The following TBX10 variants were observed in gnomAD, a reference collection of about 807,000 sequenced individuals.
The protein encoded by TBX10 is T-box transcription factor 10.
TBX10 carries 26 observed loss-of-function variants against 32.4 expected under a neutral mutation model. That is an observed-to-expected ratio of 0.80 (90% CI 0.59 to 1.11). TBX10 has a LOEUF of 1.11. TBX10 is among the 50% of genes most tolerant of loss of function. The pLI is 0.00. For missense variants in TBX10, 490 were observed against 494.5 expected (o/e 0.99, Z 0.09); for synonymous variants, 195 against 203.1 (o/e 0.96, Z 0.34).
Position 67,639,608 on chromosome 11 carries a change from T to A in TBX10, c.-136A>T. 1.7e-6 allele frequency: 2 copies of A among 1,197,878 alleles called. No individual in the cohort carries two copies. The highest frequency in any genetic ancestry group is 1.9e-4 in the Middle Eastern group (1 of 5,222). The allele number at this position is 1,197,878 out of a possible 1,614,324, so 74.2% of individuals were successfully genotyped here. A position where few individuals can be genotyped will look rare whatever the true frequency, so the allele number is the denominator to read the frequency against. ...CCTCAGGTGCTCACACAAGCTGTAG[T>A]CTCTCGGCAGGACGGTCCTTGCCTC... On this transcript the variant is annotated 5_prime_UTR_variant, in exon 1 of 8. Transcript: ENST00000335385.
rs536426039 is a variant in TBX10 at position 67,635,202 on chromosome 11, G to A, written c.69C>T (p.Thr23=). ...APSETYPLPT[T]SSGWEPRLGS... ...CCAGCCGGGGCTCCCAGCCAGAGCT[G>A]GTTGTAGGTAGGGGGTAGGTCTCTG... is the stretch of plus-strand genomic sequence containing the variant. Residue 23 remains threonine (T), a synonymous_variant, in exon 2 of 8, where the codon ACC becomes ACT. Transcript: ENST00000335385. 3.1e-6 allele frequency: 5 copies of A among 1,613,892 alleles called. No homozygotes were observed. The Admixed American group carries it at 6.7e-5, about 22-fold the overall frequency.
chr11:67,633,914 G>A (rs990697811), intron 4 of TBX10, among the ~76,000 whole-genome samples: 5 of 152,168 alleles, frequency 3.3e-5, no homozygotes, highest in Admixed American at 1.3e-4. Flanking sequence ...AAGCGGGCCC[G>A]GCCTAGGCTG....
rs766797610 is a variant in TBX10, at chr11:67,635,031, C to T, written c.240G>A (p.Gln80=). 6.2e-7 allele frequency: 1 copy of T among 1,613,776 alleles called. No individual in the cohort carries two copies. The highest frequency in any genetic ancestry group is 1.1e-5 in the South Asian group (1 of 91,090). The part of the protein sequence containing the change: ...EMKPLWEEFN[Q]LGTEMIVTKA... The stretch of plus-strand genomic sequence containing the variant: ...TGGTGACGATCATCTCAGTGCCCAG[C>T]TGGTTGAATTCCTCCCACAGAGGCT... Residue 80 remains glutamine (Q), a synonymous_variant, in exon 2 of 8, where the codon CAG becomes CAA. Transcript: ENST00000335385.
In TBX10 at chr11:67,632,602, C is replaced by T; in HGVS notation, c.773+1G>A. The T allele has an allele frequency of 3.1e-6, 5 of 1,614,008 alleles. No homozygotes were observed. Among genetic ancestry groups the T allele is most frequent in the Non-Finnish European group, 2.5e-6 (3 of 1,179,992 alleles). ...GGGCTAGGGTCAGGGTCAGACAGTACCAGGAGTCCAGGTCACTCTCTCTAA... is the reference window on the plus strand; with the variant it reads ...GGGCTAGGGTCAGGGTCAGACAGTATCAGGAGTCCAGGTCACTCTCTCTAA... On this transcript the variant is annotated splice_donor_variant, in intron 6 of 7. Transcript: ENST00000335385. LOFTEE classifies it high-confidence loss of function.
chr11:67,634,172 C>T lies in TBX10; in HGVS notation c.549+17G>A, dbSNP rs375008730. The T allele has an allele frequency of 9.1e-5, 147 of 1,611,436 alleles. 1 individual carries two copies. The highest frequency in any genetic ancestry group is 8.2e-4 in the East Asian group (37 of 44,890). Reference sequence around the variant, plus strand: ...TGACCCCAGGCCCTTCCGTCCCCACCGTGGCCCCGGCCTCACGTGGCCATT... The same window carrying T: ...TGACCCCAGGCCCTTCCGTCCCCACTGTGGCCCCGGCCTCACGTGGCCATT... On this transcript the variant is annotated intron_variant, in intron 4 of 7. Transcript: ENST00000335385.
Position 67,635,049 on chromosome 11 carries a change from C to T in TBX10, c.222G>A (p.Leu74=), listed in dbSNP as rs1855303508. 6.2e-7 allele frequency: 1 copy of T among 1,613,874 alleles called. No homozygotes were observed. Among genetic ancestry groups the T allele is most frequent in the Non-Finnish European group, 8.5e-7 (1 of 1,180,040 alleles). Residue 74 remains leucine, a synonymous_variant, in exon 2 of 8, where the codon CTG becomes CTA. Coordinates refer to ENST00000335385, the MANE Select transcript of TBX10 (RefSeq NM_005995.5). ...TGCCCAGCTGGTTGAATTCCTCCCACAGAGGCTTCATCTCCAGCTGAACTG... is the reference window on the plus strand; with the variant it reads ...TGCCCAGCTGGTTGAATTCCTCCCATAGAGGCTTCATCTCCAGCTGAACTG... The part of the protein sequence containing the change: ...RVTVQLEMKP[L]WEEFNQLGTE...
chr11:67,634,039 C>A, intron 4 of TBX10, 150 bp downstream of exon 4: 1 of 1,082,728 alleles, frequency 9.2e-7, no homozygotes, highest in Non-Finnish European at 1.4e-6. Flanking sequence ...TGTGCCACCC[C>A]CAGCCAGGTG....
rs3758938 is a variant in TBX10 at position 67,634,891 on chromosome 11, T to A, written c.302A>T (p.Lys101Met). Residue 101 changes from lysine to methionine, a missense_variant, in exon 3 of 8, where the codon AAG becomes ATG. Coordinates refer to ENST00000335385, the MANE Select transcript of TBX10 (RefSeq NM_005995.5). The part of the protein sequence containing the change: ...GRRMFPPFQV[K>M]ILGMDSLADY... The stretch of plus-strand genomic sequence containing the variant: ...GGCCAGGGAGTCCATGCCCAGGATC[T>A]TCACCTGGAAGGGGGGGAACATCCT... 4 of 1,613,228 alleles carry A rather than the reference T, an allele frequency of 2.5e-6. No individual in the cohort carries two copies. Among genetic ancestry groups the A allele is most frequent in the Non-Finnish European group, 3.4e-6 (4 of 1,179,922 alleles).
Position 67,635,160 on chromosome 11 carries a change from T to C in TBX10, c.111A>G (p.Ser37=). Residue 37 remains serine, a synonymous_variant, in exon 2 of 8, where the codon TCA becomes TCG. Transcript: ENST00000335385. ...WEPRLGSPFP[S]GPCTSSTGAQ... The stretch of plus-strand genomic sequence containing the variant: ...CCCCAGTAGAGCTGGTGCAAGGGCC[T>C]GATGGGAATGGTGACCCCAGCCGGG... 1 of 1,613,794 alleles carries C rather than the reference T, an allele frequency of 6.2e-7. No homozygotes were observed. The highest frequency in any genetic ancestry group is 8.5e-7 in the Non-Finnish European group (1 of 1,180,010).
chr11:67,634,416 A>G, intron 3 of TBX10, 56 bp from the exon 4 acceptor site: 1 of 1,583,206 alleles, frequency 6.3e-7, no homozygotes, highest in African/African-American at 1.3e-5. Context: ...CGCCTGAACA[A>G]TACAGGCGGG....
chr11:67,634,482 C>T, intron 3 of TBX10, 122 bp from the exon 4 acceptor site: 1 of 1,186,370 alleles, frequency 8.4e-7, no homozygotes, highest in Admixed American at 2.0e-5. Flanking sequence ...GGGCACCTTG[C>T]TAAGGAACCC....
Position 67,635,272 on chromosome 11 carries a change from A to G in TBX10, c.8-9T>C. Reference sequence around the variant, plus strand: ...GCCAGCAGATAGGAAGGCTGTGGAGAGAGGACGGAAGTGTGGGCCCCACGC... The same window carrying G: ...GCCAGCAGATAGGAAGGCTGTGGAGGGAGGACGGAAGTGTGGGCCCCACGC... On this transcript the variant is annotated splice_polypyrimidine_tract_variant and intron_variant, in intron 1 of 7. Coordinates refer to ENST00000335385, the MANE Select transcript of TBX10 (RefSeq NM_005995.5). 3 of 1,613,002 alleles carry G rather than the reference A, an allele frequency of 1.9e-6. No homozygotes were observed. Among genetic ancestry groups the G allele is most frequent in the Non-Finnish European group, 2.5e-6 (3 of 1,179,976 alleles).
chr11:67,634,698 C>G, intron 3 of TBX10, 118 bp downstream of exon 3: 1 of 1,167,516 alleles, frequency 8.6e-7, no homozygotes, highest in Non-Finnish European at 1.3e-6. Context: ...TGCCCTTAGG[C>G]TGGACCTCCC....
Position 67,634,294 on chromosome 11 carries a change from C to A in TBX10, c.444G>T (p.Val148=). The change falls in exon 4 of 8, where the codon GTG becomes GTT. Residue 148 remains valine, a synonymous_variant. Transcript: ENST00000335385. ...TGGCTGGCGAGTCGGGGTGGAAGTG[C>A]ACGCGGCCAGGTGTGGCTGGGTCTG... ...GKADPATPGR[V]HFHPDSPAKG... is the part of the protein sequence containing the mutation. 6 of 1,611,534 alleles carry A rather than the reference C, an allele frequency of 3.7e-6. No individual in the cohort carries two copies. Among genetic ancestry groups the A allele is most frequent in the Non-Finnish European group, 5.1e-6 (6 of 1,179,972 alleles).
Position 67,634,329 on chromosome 11 carries a change from C to G in TBX10, c.409G>C (p.Ala137Pro). ...GGTGTGGCTGGGTCTGCCTTGCCCG[C>G]CACCAGCCAGGCCGAGCTGTGGAAG... is the stretch of plus-strand genomic sequence containing the variant. Reference protein sequence around the residue: ...YAFHSSAWLVAGKADPATPGR... With the variant: ...YAFHSSAWLVPGKADPATPGR... Residue 137 changes from alanine to proline, a missense_variant, in exon 4 of 8, where the codon GCG becomes CCG. By Grantham distance (27) the Ala-to-Pro change is conservative. Coordinates refer to ENST00000335385, the MANE Select transcript of TBX10 (RefSeq NM_005995.5). 6.2e-7 allele frequency: 1 copy of G among 1,606,762 alleles called. No homozygotes were observed. The highest frequency in any genetic ancestry group is 8.5e-7 in the Non-Finnish European group (1 of 1,179,830).
intron 4 of TBX10, 139 bp from the exon 5 acceptor site, chr11:67,633,242 C>G (rs920923031): frequency 9.1e-7 from 1 of 1,098,960 alleles, no homozygotes; most frequent in African/African-American, 1.6e-5. Context: ...AGGGTCTGAG[C>G]TGGAGAGGCT....
chr11:67,639,459 A>G lies in TBX10; in HGVS notation c.7+7T>C. ...TGAGGCCACCTCTGCTTCAGAACGTAGCCTACCTGCCATGGAGACAGAGAG... is the reference window on the plus strand; with the variant it reads ...TGAGGCCACCTCTGCTTCAGAACGTGGCCTACCTGCCATGGAGACAGAGAG... On this transcript the variant is annotated splice_region_variant and intron_variant, in intron 1 of 7. Transcript: ENST00000335385. 6.3e-7 allele frequency: 1 copy of G among 1,592,536 alleles called. No individual in the cohort carries two copies. Among genetic ancestry groups the G allele is most frequent in the Middle Eastern group, 1.7e-4 (1 of 5,966 alleles).
chr11:67,633,233 G>A (rs1855266523), intron 4 of TBX10, 130 bp from the exon 5 acceptor site: 1 of 1,193,410 alleles, frequency 8.4e-7, no homozygotes, highest in Non-Finnish European at 1.2e-6. Context: ...TGGCAGCACA[G>A]GGTCTGAGCT....
At position 67,634,915 on chromosome 11, in the gene TBX10, C is replaced by G. The variant is rs1226140206; in HGVS notation, c.278G>C (p.Arg93Thr). ...CTTCACCTGGAAGGGGGGGAACATC[C>G]TCCTGCGGGAGGGAGGTGCTCAGCA... is the stretch of plus-strand genomic sequence containing the variant. ...TEMIVTKAGRRMFPPFQVKIL... is the reference protein window; with the variant it reads ...TEMIVTKAGRTMFPPFQVKIL... Residue 93 changes from arginine to threonine, a missense_variant and splice_region_variant, in exon 3 of 8, where the codon AGG becomes ACG. Coordinates refer to ENST00000335385, the MANE Select transcript of TBX10 (RefSeq NM_005995.5). The G allele has an allele frequency of 6.2e-7, 1 of 1,613,146 alleles. No homozygotes were observed. Among genetic ancestry groups the G allele is most frequent in the Non-Finnish European group, 8.5e-7 (1 of 1,180,018 alleles).
Sources: gnomAD v4.1 joint callset for allele counts (sites outside exome capture counted in the v4.1 genomes callset) on GRCh38, gnomAD v4.1.1 for gene constraint, MANE v1.5 for transcripts, NCBI Gene and HGNC (gene_info 2026-07-23, HGNC 2026-07-21) for gene names.